The following GABRA1 variants were observed in gnomAD, a reference collection of about 807,000 sequenced individuals.
GABRA1 encodes gamma-aminobutyric acid receptor subunit alpha-1.
Under a neutral mutation model 48.9 loss-of-function variants are expected in GABRA1, and 9 were observed. The ratio of observed to expected loss-of-function variants is 0.18; its 90% CI spans 0.11 to 0.32. The LOEUF is 0.32. Ranked by LOEUF, GABRA1 falls within the 10% of genes least tolerant of loss-of-function variation. GABRA1 has a pLI of 1.00. For synonymous variants in GABRA1, 210 were observed against 198.7 expected, an observed-to-expected ratio of 1.06 and a Z score of -0.48; for missense variants, 285 against 553.8, an observed-to-expected ratio of 0.51 and a Z score of 4.87.
chr5:161,866,603 G>A (rs1753864349), intron 4 of GABRA1, among the ~76,000 whole-genome samples: 1 of 152,084 alleles, frequency 6.6e-6, no homozygotes, highest in East Asian at 1.9e-4. Context: ...AGCTCACAGA[G>A]GGTCAGAATA....
At chr5:161,894,126 CTTA>C (rs1165635196) in intron 8 of GABRA1, among the ~76,000 whole-genome samples, 1 of 152,066 alleles carries the variant, frequency 6.6e-6, no homozygotes, top group Non-Finnish European at 1.5e-5. Context: ...TAGTTTTGCC[CTTA>C]TTATCAGGCT....
At chr5:161,853,592 G>A (rs540188124) in intron 2 of GABRA1, 1 of 151,828 alleles carries the variant, frequency 6.6e-6, no homozygotes, top group African/African-American at 2.4e-5. Flanking sequence ...TGAATCTTAA[G>A]AGGAATGGAA....
intron 2 of GABRA1, among the ~76,000 whole-genome samples, chr5:161,852,867 G>A (rs1757506283): frequency 6.6e-6 from 1 of 151,766 alleles, no homozygotes; most frequent in Non-Finnish European, 1.5e-5. Flanking sequence ...CTGCAAAACA[G>A]TGTTTGTTTT....
chr5:161,867,667 T>A (rs1753929864), intron 4 of GABRA1, among the ~76,000 whole-genome samples: 1 of 152,126 alleles, frequency 6.6e-6, no homozygotes, highest in Non-Finnish European at 1.5e-5. Flanking sequence ...TCTGAGCTCC[T>A]TATCATGCCA....
intron 8 of GABRA1, among the ~76,000 whole-genome samples, chr5:161,892,101 G>A (rs536146531): frequency 5.9e-5 from 9 of 152,206 alleles, no homozygotes; most frequent in South Asian, 2.1e-4. Context: ...ATGCTGTATC[G>A]TCACCTCTGA....
chr5:161,896,626 T>A (rs1755380704), intron 9 of GABRA1, among the ~76,000 whole-genome samples: 1 of 152,198 alleles, frequency 6.6e-6, no homozygotes, highest in Non-Finnish European at 1.5e-5. Context: ...TTTAAGATGT[T>A]TAGAAATAAT....
intron 2 of GABRA1, among the ~76,000 whole-genome samples, chr5:161,853,345 T>C (rs1257420541): frequency 6.6e-6 from 1 of 151,744 alleles, no homozygotes; most frequent in Non-Finnish European, 1.5e-5. Flanking sequence ...TATCCCAATA[T>C]AGAAGAAGAA....
intron 7 of GABRA1, among the ~76,000 whole-genome samples, chr5:161,888,806 C>G (rs17052610): frequency 3.9e-5 from 6 of 151,900 alleles, no homozygotes; most frequent in East Asian, 1.9e-4. Flanking sequence ...GAGGAACACA[C>G]AGAAAATAAT....
intron 7 of GABRA1, among the ~76,000 whole-genome samples, chr5:161,889,297 T>C (rs2113440567): frequency 6.6e-6 from 1 of 152,164 alleles, no homozygotes; most frequent in South Asian, 2.1e-4. Context: ...TTACATAGTA[T>C]CATCTTAATT....
intron 2 of GABRA1, among the ~76,000 whole-genome samples, chr5:161,853,344 A>G (rs960262885): frequency 5.9e-5 from 9 of 151,830 alleles, no homozygotes; most frequent in African/African-American, 2.2e-4. Flanking sequence ...TTATCCCAAT[A>G]TAGAAGAAGA....
intron 6 of GABRA1, among the ~76,000 whole-genome samples, chr5:161,877,048 C>T (rs1009137320): frequency 3.3e-5 from 5 of 152,220 alleles, no homozygotes; most frequent in Non-Finnish European, 7.4e-5. Context: ...AATTGTTCTG[C>T]TTTAGGCTTT....
chr5:161,868,152 T>G (rs1162350893), intron 4 of GABRA1, among the ~76,000 whole-genome samples: 1 of 152,088 alleles, frequency 6.6e-6, no homozygotes, highest in African/African-American at 2.4e-5. Flanking sequence ...GCATGGGGAA[T>G]TAAAATGTCA....
chr5:161,853,208 C>A (rs1455738582), intron 2 of GABRA1, among the ~76,000 whole-genome samples: 4 of 151,974 alleles, frequency 2.6e-5, no homozygotes, highest in African/African-American at 9.6e-5. Flanking sequence ...GCATAGATAG[C>A]AATGTGATTG....
At chr5:161,852,839 C>T (rs1581177105) in intron 2 of GABRA1, among the ~76,000 whole-genome samples, 1 of 151,662 alleles carries the variant, frequency 6.6e-6, no homozygotes, top group African/African-American at 2.4e-5. Flanking sequence ...TGCATTTTGC[C>T]GATACGAAAT....
At chr5:161,879,409 G>T (rs1344963761) in intron 6 of GABRA1, among the ~76,000 whole-genome samples, 1 of 152,178 alleles carries the variant, frequency 6.6e-6, no homozygotes, top group Non-Finnish European at 1.5e-5. Flanking sequence ...ACCGTGCCCA[G>T]CCACCTTGTG....
Position 161,898,736 on chromosome 5 carries a change from T to C in GABRA1, c.*1314T>C, listed in dbSNP as rs1755485073. The C allele has an allele frequency of 6.6e-6, 1 of 152,538 alleles. No individual in the cohort carries two copies. The highest frequency in any genetic ancestry group is 2.1e-4 in the South Asian group (1 of 4,834). The allele number at this position is 152,538 out of a possible 1,614,324, so 9.4% of individuals were successfully genotyped here. ...AGGCTATTATAATATAGAAAGAAAA[T>C]GGGAAGCATTAGTTGGAGCTAGAAA... On this transcript the variant is annotated 3_prime_UTR_variant, in exon 10 of 10. Transcript: ENST00000393943.
intron 7 of GABRA1, among the ~76,000 whole-genome samples, chr5:161,887,999 A>G (rs1754922558): frequency 6.6e-6 from 1 of 152,152 alleles, no homozygotes. Flanking sequence ...CCAGGTCTAA[A>G]CAAATCTTTA....
intron 6 of GABRA1, among the ~76,000 whole-genome samples, chr5:161,878,317 A>C (rs1008545440): frequency 6.6e-5 from 10 of 152,176 alleles, no homozygotes; most frequent in Non-Finnish European, 1.3e-4. Context: ...ACTGCCTGGC[A>C]TTGGCACAAG....
chr5:161,866,601 G>A (rs1322969977), intron 4 of GABRA1, among the ~76,000 whole-genome samples: 1 of 152,132 alleles, frequency 6.6e-6, no homozygotes, highest in Admixed American at 6.6e-5. Flanking sequence ...ATAGCTCACA[G>A]AGGGTCAGAA....
Sources: gnomAD v4.1 joint callset for allele counts (sites outside exome capture counted in the v4.1 genomes callset) on GRCh38, gnomAD v4.1.1 for gene constraint, MANE v1.5 for transcripts, NCBI Gene and HGNC (gene_info 2026-07-23, HGNC 2026-07-21) for gene names.